SLAIN2: variants seen among roughly 807,000 people sequenced by gnomAD.
The protein encoded by SLAIN2 is SLAIN family member 2.
A neutral mutation model predicts 56.6 loss-of-function variants in SLAIN2; 31 were observed. That is an observed-to-expected ratio of 0.55 (90% CI 0.41 to 0.74). SLAIN2 has a LOEUF of 0.74. SLAIN2 is among the 30% of genes least tolerant of loss of function. SLAIN2 has a pLI of 0.00. For missense variants in SLAIN2, 777 were observed against 754.2 expected, an observed-to-expected ratio of 1.03 and a Z score of -0.35; for synonymous variants, 317 against 284.9, an observed-to-expected ratio of 1.11 and a Z score of -1.13.
At chr4:48,365,829 C>T (rs759075458) in intron 1 of SLAIN2, among the ~76,000 whole-genome samples, 7 of 152,208 alleles carry the variant, frequency 4.6e-5, no homozygotes, top group African/African-American at 7.2e-5. Context: ...TCCCAAAGTA[C>T]TGGGATTACA....
chr4:48,398,159 G>T (rs537367112), intron 6 of SLAIN2, among the ~76,000 whole-genome samples: 3 of 152,026 alleles, frequency 2.0e-5, no homozygotes, highest in South Asian at 2.1e-4. Context: ...CCACAGCCTC[G>T]CCAGCCAGCA....
At chr4:48,393,951 C>G (rs184041472) in intron 6 of SLAIN2, among the ~76,000 whole-genome samples, 1 of 152,254 alleles carries the variant, frequency 6.6e-6, no homozygotes, top group Admixed American at 6.5e-5. Context: ...AACCCCTCAA[C>G]CCACACCAGC....
rs1315862135 is a variant in SLAIN2 at position 48,371,137 on chromosome 4, A to T, written c.538+1140A>T. Among the ~76,000 whole-genome samples the T allele has an allele frequency of 2.8e-5, 4 of 142,092 alleles. No homozygotes were observed. The Admixed American group carries it at 2.9e-4, about 10-fold the overall frequency. The allele number at this position is 142,092 out of a possible 152,430, so 93.2% of individuals were successfully genotyped here. A position where few individuals can be genotyped will look rare whatever the true frequency, so the allele number is the denominator to read the frequency against. On this transcript the variant is annotated intron_variant, in intron 2 of 7. Transcript: ENST00000264313. ...TTTTTTTTTTTTGATATGGAGTCTC[A>T]CTCTGTTGCCCAGGCTGGAGTGCAG...
chr4:48,347,327 C>T (rs988893048), intron 1 of SLAIN2, among the ~76,000 whole-genome samples: 10 of 151,510 alleles, frequency 6.6e-5, no homozygotes, highest in African/African-American at 7.3e-5. Flanking sequence ...ACCACCCCCC[C>T]TCCCCCACCC....
rs1277268937 is a variant in SLAIN2, at chr4:48,423,938, CTT to C, written c.*1864_*1865del. The stretch of plus-strand genomic sequence containing the variant: ...TAAAAGAAAGAAGTAGCTACTGTCT[CTT>C]TTAAAAACCACGTACAAAACAGAAC... On this transcript the variant is annotated 3_prime_UTR_variant, in exon 8 of 8. Transcript: ENST00000264313. 1 of 152,088 alleles carries C rather than the reference CTT, an allele frequency of 6.6e-6. No homozygotes were observed. The highest frequency in any genetic ancestry group is 2.1e-4 in the South Asian group (1 of 4,830). 9.4% of individuals were successfully genotyped at this position (152,088 alleles called of 1,614,324 possible).
chr4:48,413,707 T>A (rs960586005), intron 6 of SLAIN2, among the ~76,000 whole-genome samples: 1 of 152,224 alleles, frequency 6.6e-6, no homozygotes, highest in African/African-American at 2.4e-5. Context: ...ATGACCAGTG[T>A]TTGGCAATGT....
intron 6 of SLAIN2, among the ~76,000 whole-genome samples, chr4:48,392,118 A>G (rs919634110): frequency 2.6e-5 from 4 of 152,222 alleles, no homozygotes; most frequent in Non-Finnish European, 5.9e-5. Flanking sequence ...TGTCTTAGAA[A>G]ACTAATCAAA....
At position 48,382,889 on chromosome 4, in the gene SLAIN2, A is replaced by T; in HGVS notation, c.1184A>T (p.His395Leu). 7 of 1,612,562 alleles carry T rather than the reference A, an allele frequency of 4.3e-6. No individual in the cohort carries two copies. Among genetic ancestry groups the T allele is most frequent in the Non-Finnish European group, 5.9e-6 (7 of 1,179,074 alleles). Reference sequence around the variant, plus strand: ...CAACCTCGCCTTTCACTTCAAGGCCATCCCACAGATTTACAGACAAGCAAT... The same window carrying T: ...CAACCTCGCCTTTCACTTCAAGGCCTTCCCACAGATTTACAGACAAGCAAT... ...LQQPRLSLQG[H>L]PTDLQTSNVK... is the part of the protein sequence containing the mutation. Residue 395 changes from histidine (H) to leucine (L), a missense_variant, in exon 5 of 8, where the codon CAT (histidine) becomes CTT (leucine). By Grantham distance (99) the His-to-Leu change is moderately conservative (BLOSUM62 -3). Transcript: ENST00000264313.
chr4:48,420,009 G>C, intron 6 of SLAIN2, 116 bp from the exon 7 acceptor site: 2 of 1,020,622 alleles, frequency 2.0e-6, no homozygotes, highest in Non-Finnish European at 2.9e-6. Flanking sequence ...TTGCATTGCT[G>C]TGAAGTTTCC....
At chr4:48,356,544 T>C (rs1386645783) in intron 1 of SLAIN2, among the ~76,000 whole-genome samples, 1 of 152,200 alleles carries the variant, frequency 6.6e-6, no homozygotes, top group Non-Finnish European at 1.5e-5. Context: ...ATTGCCACAA[T>C]TTGCAAGTCT....
chr4:48,354,852 C>T (rs1208784766), intron 1 of SLAIN2, among the ~76,000 whole-genome samples: 6 of 151,844 alleles, frequency 4.0e-5, no homozygotes, highest in African/African-American at 7.3e-5. Context: ...CAGCTGGTAA[C>T]CGAATGGTTA....
At chr4:48,343,743 G>A (rs1439428460) in intron 1 of SLAIN2, among the ~76,000 whole-genome samples, 1 of 152,160 alleles carries the variant, frequency 6.6e-6, no homozygotes, top group Non-Finnish European at 1.5e-5. Flanking sequence ...GTAACTCTCA[G>A]GAAGATTTGA....
At chr4:48,351,836 A>C (rs556358006) in intron 1 of SLAIN2, among the ~76,000 whole-genome samples, 10 of 152,364 alleles carry the variant, frequency 6.6e-5, no homozygotes, top group African/African-American at 2.4e-4. Context: ...GAAACCAGTA[A>C]TATTTTCTAG....
At chr4:48,368,025 A>G (rs1403335280) in intron 1 of SLAIN2, among the ~76,000 whole-genome samples, 13 of 116,812 alleles carry the variant, frequency 1.1e-4, no homozygotes, top group African/African-American at 1.8e-4. Flanking sequence ...GTCAGTATGC[A>G]TTCACTGAAC....
At chr4:48,404,575 G>T (rs1402529438) in intron 6 of SLAIN2, among the ~76,000 whole-genome samples, 2 of 152,222 alleles carry the variant, frequency 1.3e-5, no homozygotes, top group Non-Finnish European at 2.9e-5. Context: ...TTTGGAGAAT[G>T]AGAGAAGAAA....
chr4:48,379,722 C>T lies in SLAIN2; in HGVS notation c.736C>T (p.Leu246Phe). The change falls in exon 4 of 8, where the codon CTC becomes TTC. Residue 246 changes from leucine (L) to phenylalanine (F), a missense_variant. Transcript: ENST00000264313. The stretch of plus-strand genomic sequence containing the variant: ...GAAAAGCTCAGACAGAAATCCTCCA[C>T]TCAGTCCTCAGTCCTCTATAGATAG... ...NLKSSDRNPP[L>F]SPQSSIDSEL... is the part of the protein sequence containing the mutation. 1 of 1,489,708 alleles carries T rather than the reference C, an allele frequency of 6.7e-7. No homozygotes were observed. Among genetic ancestry groups the T allele is most frequent in the Non-Finnish European group, 8.9e-7 (1 of 1,122,996 alleles). The allele number at this position is 1,489,708 out of a possible 1,614,324, so 92.3% of individuals were successfully genotyped here.
intron 6 of SLAIN2, among the ~76,000 whole-genome samples, chr4:48,399,251 A>T (rs1476885328): frequency 6.6e-6 from 1 of 151,820 alleles, no homozygotes; most frequent in Non-Finnish European, 1.5e-5. Flanking sequence ...TAGGTATTTT[A>T]TTCTTTTTGT....
At chr4:48,413,378 G>T (rs1421444481) in intron 6 of SLAIN2, among the ~76,000 whole-genome samples, 1 of 152,184 alleles carries the variant, frequency 6.6e-6, no homozygotes, top group African/African-American at 2.4e-5. Context: ...GACTTCTGTG[G>T]TTGTGGTAAT....
chr4:48,391,611 A>T (rs1412079173), intron 6 of SLAIN2, among the ~76,000 whole-genome samples: 1 of 152,172 alleles, frequency 6.6e-6, no homozygotes, highest in South Asian at 2.1e-4. Context: ...GGTGAGCAGC[A>T]CTTTCACCAC....
Sources: allele counts gnomAD v4.1 joint callset (sites outside exome capture counted in the v4.1 genomes callset), GRCh38; gene constraint gnomAD v4.1.1; transcripts MANE v1.5; gene names NCBI Gene and HGNC (gene_info 2026-07-23, HGNC 2026-07-21).